DSG3: variants seen among roughly 807,000 people sequenced by gnomAD.
DSG3 encodes desmoglein 3, also known as desmoglein-3.
In DSG3, 63 loss-of-function variants were observed where a neutral mutation model predicts 85.9. The observed-to-expected ratio is 0.73, with a 90% CI of 0.60 to 0.90. The LOEUF (loss-of-function observed/expected upper bound fraction) is 0.90, where lower values mean the gene tolerates loss of function less well. Ranked by LOEUF, DSG3 falls within the 40% of genes least tolerant of loss-of-function variation. DSG3 has a pLI of 0.00. For missense variants in DSG3, 1,220 were observed against 1,219.9 expected (o/e 1.00, Z 0.00); for synonymous variants, 447 against 441.9 (o/e 1.01, Z -0.14).
rs778934329 is a variant in DSG3, at chr18:31,466,737, G to A, written c.1619G>A (p.Ser540Asn). The change falls in exon 11 of 16, where the codon AGT becomes AAT. Residue 540 changes from serine (S) to asparagine (N), a missense_variant. By Grantham distance (46) the Ser-to-Asn change is conservative. Coordinates refer to ENST00000257189, the MANE Select transcript of DSG3 (RefSeq NM_001944.3). ...CCTGTAAAGTTGCCTGCCGTATGGA[G>A]TATCACAACCCTCAATGGTGAGTAA... ...DQPVKLPAVW[S>N]ITTLNATSAL... 1 of 1,614,094 alleles carries A rather than the reference G, an allele frequency of 6.2e-7. No individual in the cohort carries two copies. The highest frequency in any genetic ancestry group is 8.5e-7 in the Non-Finnish European group (1 of 1,179,988).
At chr18:31,466,462 A>G (rs1598783132) in intron 10 of DSG3, 68 bp from the exon 11 acceptor site, 1 of 1,395,390 alleles carries the variant, frequency 7.2e-7, no homozygotes, top group Non-Finnish European at 1.0e-6. Flanking sequence ...GAGAAATGTA[A>G]AAGATTCTCC....
chr18:31,462,099 G>A (rs979109313), intron 8 of DSG3, among the ~76,000 whole-genome samples: 3 of 148,296 alleles, frequency 2.0e-5, no homozygotes, highest in African/African-American at 7.7e-5. Context: ...TTGAGACAAG[G>A]TCTCACTCTG....
intron 14 of DSG3, among the ~76,000 whole-genome samples, chr18:31,473,695 C>A (rs900083330): frequency 1.3e-5 from 2 of 152,270 alleles, no homozygotes; most frequent in Non-Finnish European, 2.9e-5. Context: ...CTTTAGGTAC[C>A]AAGACATGCT....
chr18:31,464,370 C>A lies in DSG3; in HGVS notation c.1259C>A (p.Ala420Asp), dbSNP rs1357558296. The A allele has an allele frequency of 6.2e-7, 1 of 1,606,572 alleles. No individual in the cohort carries two copies. Among genetic ancestry groups the A allele is most frequent in the African/African-American group, 1.3e-5 (1 of 74,596 alleles). ...ATCGATGAGGACACTAACAAAGCTG[C>A]CTCAAATGTCAAGTAAGACTATTTT... ...QAIDEDTNKA[A>D]SNVKYVMGRN... The change falls in exon 9 of 16, where the codon GCC becomes GAC. Residue 420 changes from alanine (A) to aspartate (D), a missense_variant. Physicochemically the swap from Ala to Asp is moderately radical, Grantham distance 126. Transcript: ENST00000257189.
intron 8 of DSG3, 54 bp from the exon 9 acceptor site, chr18:31,464,057 G>T: frequency 6.5e-7 from 1 of 1,541,864 alleles, no homozygotes; most frequent in Non-Finnish European, 8.8e-7. Context: ...CATCTACTGG[G>T]TTTGCGGGAG....
intron 3 of DSG3, among the ~76,000 whole-genome samples, chr18:31,457,567 TTCTTTCTTTCTTTCTTTCTTCTTTCTTTC>T (rs2072753456): frequency 9.4e-6 from 1 of 106,060 alleles, no homozygotes; most frequent in African/African-American, 4.8e-5. Flanking sequence ...CTTTCTTTCT[TTCTTTCTTTCTTTCTTTCTTCTTTCTTTC>T]TTTCTTTCTT....
At chr18:31,466,776 T>G in intron 11 of DSG3, 22 bp downstream of exon 11, 3 of 1,594,128 alleles carry the variant, frequency 1.9e-6, no homozygotes, top group Non-Finnish European at 2.6e-6. Context: ...TAAAGTTGCT[T>G]CTATAAATGC....
rs768732577 is a variant in DSG3, at chr18:31,472,394, G to A, written c.2008G>A (p.Gly670Arg). ...DGSEGTIHQW[G>R]IEGAHPEDKE... Reference sequence around the variant, plus strand: ...CTCAGAAGGAACAATTCATCAGTGGGGAATTGAAGGAGCCCATCCTGAAGA... The same window carrying A: ...CTCAGAAGGAACAATTCATCAGTGGAGAATTGAAGGAGCCCATCCTGAAGA... Residue 670 changes from glycine (G) to arginine (R), a missense_variant, in exon 13 of 16, where the codon GGA becomes AGA. Gly to Arg is a moderately radical substitution (Grantham distance 125). Transcript: ENST00000257189. 3.7e-6 allele frequency: 6 copies of A among 1,613,890 alleles called. No individual in the cohort carries two copies. Among genetic ancestry groups the A allele is most frequent in the East Asian group, 4.5e-5 (2 of 44,866 alleles).
chr18:31,462,211 C>T (rs754274095), intron 8 of DSG3, among the ~76,000 whole-genome samples: 6 of 151,996 alleles, frequency 3.9e-5, no homozygotes, highest in South Asian at 2.1e-4. Flanking sequence ...TAGCAGGGTC[C>T]GCATCATGTG....
intron 10 of DSG3, among the ~76,000 whole-genome samples, 191 bp from the exon 11 acceptor site, chr18:31,466,338 TA>T (rs1839005815): frequency 6.6e-6 from 1 of 152,236 alleles, no homozygotes; most frequent in African/African-American, 2.4e-5. Flanking sequence ...GACATCAGCC[TA>T]TTTGGTAAAT....
chr18:31,464,026 T>A (rs2072801273), intron 8 of DSG3, 85 bp from the exon 9 acceptor site: 1 of 1,230,962 alleles, frequency 8.1e-7, no homozygotes, highest in East Asian at 2.3e-5. Flanking sequence ...ATTCACAGCA[T>A]CTTGCATAGT....
chr18:31,472,426 A>G lies in DSG3; in HGVS notation c.2037+3A>G. 1 of 1,610,368 alleles carries G rather than the reference A, an allele frequency of 6.2e-7. No individual in the cohort carries two copies. Among genetic ancestry groups the G allele is most frequent in the Non-Finnish European group, 8.5e-7 (1 of 1,178,946 alleles). On this transcript the variant is annotated splice_donor_region_variant and intron_variant, in intron 13 of 15. Transcript: ENST00000257189. ...AAGGAGCCCATCCTGAAGACAAGGT[A>G]AGCATCCAGTTCATAAATTATGTAT...
intron 12 of DSG3, among the ~76,000 whole-genome samples, chr18:31,469,621 T>C (rs2072843601): frequency 6.6e-6 from 1 of 152,162 alleles, no homozygotes; most frequent in East Asian, 1.9e-4. Flanking sequence ...ATGAAGACTT[T>C]CTACACACTG....
At chr18:31,467,053 C>T (rs1020650750) in intron 11 of DSG3, among the ~76,000 whole-genome samples, 3 of 152,220 alleles carry the variant, frequency 2.0e-5, no homozygotes, top group Middle Eastern at 3.4e-3. Context: ...TAGAGTCAGG[C>T]ATCTAGGTGG....
intron 7 of DSG3, 99 bp from the exon 8 acceptor site, chr18:31,461,128 T>G: frequency 8.0e-7 from 1 of 1,248,344 alleles, no homozygotes; most frequent in Non-Finnish European, 1.1e-6. Context: ...AAGAAGGAAA[T>G]ACATAATTTG....
intron 10 of DSG3, among the ~76,000 whole-genome samples, 195 bp from the exon 11 acceptor site, chr18:31,466,335 G>A (rs546761958): frequency 2.6e-5 from 4 of 152,276 alleles, no homozygotes; most frequent in African/African-American, 7.2e-5. Context: ...AGAGACATCA[G>A]CCTATTTGGT....
chr18:31,457,404 A>G (rs976330074), intron 3 of DSG3, among the ~76,000 whole-genome samples: 1 of 152,204 alleles, frequency 6.6e-6, no homozygotes, highest in Non-Finnish European at 1.5e-5. Context: ...CTAGCAAACA[A>G]ATAGGAAAAA....
chr18:31,472,880 G>A, intron 14 of DSG3, 92 bp downstream of exon 14: 1 of 1,165,806 alleles, frequency 8.6e-7, no homozygotes, highest in Non-Finnish European at 1.3e-6. Context: ...TTAATAATTT[G>A]CATCTGTGTG....
At chr18:31,449,749 A>G (rs757372554) in intron 1 of DSG3, among the ~76,000 whole-genome samples, 20 of 152,194 alleles carry the variant, frequency 1.3e-4, no homozygotes, top group Non-Finnish European at 2.8e-4. Flanking sequence ...AAAATTTTAC[A>G]TACACATGCT....
Sources: gnomAD v4.1 joint callset for allele counts (sites outside exome capture counted in the v4.1 genomes callset) on GRCh38, gnomAD v4.1.1 for gene constraint, MANE v1.5 for transcripts, NCBI Gene and HGNC (gene_info 2026-07-23, HGNC 2026-07-21) for gene names.